The following ATL3 variants were observed in gnomAD, a reference collection of about 807,000 sequenced individuals.
The protein encoded by ATL3 is atlastin GTPase 3.
In ATL3, 49 loss-of-function variants were observed where a neutral mutation model predicts 69.5. The observed-to-expected ratio is 0.71, with a 90% CI of 0.56 to 0.89. The LOEUF is 0.89. ATL3 is among the 40% of genes least tolerant of loss of function. ATL3 has a pLI of 0.00. For synonymous variants in ATL3, 214 were observed against 224.1 expected (o/e 0.95, Z 0.40); for missense variants, 606 against 645.7 (o/e 0.94, Z 0.67).
intron 1 of ATL3, 113 bp from the exon 2 acceptor site, chr11:63,659,365 G>T: frequency 1.2e-6 from 1 of 819,568 alleles, no homozygotes; most frequent in Non-Finnish European, 1.9e-6. Flanking sequence ...AATGGCTCAT[G>T]CCTATAATCA....
chr11:63,649,535 C>A (rs1048645212), intron 5 of ATL3, among the ~76,000 whole-genome samples: 2 of 143,188 alleles, frequency 1.4e-5, no homozygotes, highest in Admixed American at 7.0e-5. Flanking sequence ...ATTTTATTTT[C>A]TTTTTTTTTT....
chr11:63,632,957 T>G, intron 11 of ATL3, 69 bp downstream of exon 11: 3 of 1,404,188 alleles, frequency 2.1e-6, no homozygotes, highest in Non-Finnish European at 3.0e-6. Flanking sequence ...AGGATCAAGT[T>G]GGGCTTTTGA....
Position 63,651,920 on chromosome 11 carries a change from T to C in ATL3, c.561+16A>G, listed in dbSNP as rs533114101. The C allele has an allele frequency of 8.8e-6, 14 of 1,583,556 alleles. No homozygotes were observed. In the South Asian group the frequency reaches 1.5e-4, roughly 17 times the overall value. On this transcript the variant is annotated intron_variant, in intron 5 of 12. Transcript: ENST00000398868. ...TTAAATAATATGATGTTAAAATTGTTATGAGAAATATATACCTGCAGCTGT... is the reference window on the plus strand; with the variant it reads ...TTAAATAATATGATGTTAAAATTGTCATGAGAAATATATACCTGCAGCTGT...
At chr11:63,656,727 C>T (rs1249780142) in intron 3 of ATL3, among the ~76,000 whole-genome samples, 1 of 144,838 alleles carries the variant, frequency 6.9e-6, no homozygotes, top group East Asian at 2.0e-4. Flanking sequence ...GAGAGACTCC[C>T]TCTCAAAAAA....
At chr11:63,654,799 C>T (rs561891167) in intron 3 of ATL3, among the ~76,000 whole-genome samples, 37 of 149,514 alleles carry the variant, frequency 2.5e-4, no homozygotes, top group Middle Eastern at 6.9e-3. Flanking sequence ...CAGGTTCAAG[C>T]GATTCTCCTG....
chr11:63,652,482 T>G lies in ATL3; in HGVS notation c.499A>C (p.Ser167Arg). 2 of 1,598,612 alleles carry G rather than the reference T, an allele frequency of 1.3e-6. No homozygotes were observed. Among genetic ancestry groups the G allele is most frequent in the Non-Finnish European group, 8.5e-7 (1 of 1,171,004 alleles). ...CAAGTGGTTTTTACCTGAACAGAAC[T>G]AGTCATAGTGCTTAGAGCAAAGATG... Reference protein sequence around the residue: ...ATIFALSTMTSSVQIYNLSQN... With the variant: ...ATIFALSTMTRSVQIYNLSQN... Residue 167 changes from serine to arginine, a missense_variant, in exon 4 of 13, where the codon AGT becomes CGT. By Grantham distance (110) the Ser-to-Arg change is moderately radical. Transcript: ENST00000398868.
At chr11:63,656,041 A>G (rs925477323) in intron 3 of ATL3, among the ~76,000 whole-genome samples, 21 of 151,982 alleles carry the variant, frequency 1.4e-4, no homozygotes, top group Non-Finnish European at 2.2e-4. Context: ...TGGCTAACAC[A>G]GTGAAACCCC....
chr11:63,636,225 T>C lies in ATL3; in HGVS notation c.960A>G (p.Gly320=), dbSNP rs1939510885. 1.2e-6 allele frequency: 2 copies of C among 1,613,952 alleles called. No homozygotes were observed. The highest frequency in any genetic ancestry group is 1.7e-5 in the Admixed American group (1 of 59,990). The change falls in exon 9 of 13, where the codon GGA becomes GGG. Residue 320 remains glycine, a synonymous_variant. Transcript: ENST00000398868. ...TATTTACCTTAAAATACTCCAGTAG[T>C]CCCCGACAGGTGACCTTTGAGCCAT... ...EINGSKVTCR[G]LLEYFKAYIK...
intron 8 of ATL3, among the ~76,000 whole-genome samples, chr11:63,637,458 C>A (rs2134475783): frequency 6.6e-6 from 1 of 152,064 alleles, no homozygotes; most frequent in South Asian, 2.1e-4. Flanking sequence ...AGTACCTGTG[C>A]CTCATTATAT....
At chr11:63,643,600 G>T in intron 7 of ATL3, 105 bp from the exon 8 acceptor site, 1 of 1,010,586 alleles carries the variant, frequency 9.9e-7, no homozygotes, top group Non-Finnish European at 1.4e-6. Flanking sequence ...AACTCTGATG[G>T]ATCATAGTGG....
intron 8 of ATL3, among the ~76,000 whole-genome samples, chr11:63,638,620 G>A (rs1426524097): frequency 2.0e-5 from 3 of 152,000 alleles, no homozygotes; most frequent in African/African-American, 4.8e-5. Context: ...CACAAGAATC[G>A]CTTGAGCCCG....
At position 63,627,875 on chromosome 11, in the gene ATL3, T is replaced by C. The variant is rs1381824011; in HGVS notation, c.*1444A>G. ...CCAGACTAGCCAAAGTAAAATTAAA[T>C]AGATAATTCACTAAATAAAATGGGT... On this transcript the variant is annotated 3_prime_UTR_variant, in exon 13 of 13. Transcript: ENST00000398868. 1 of 152,222 alleles carries C rather than the reference T, an allele frequency of 6.6e-6. No homozygotes were observed. The highest frequency in any genetic ancestry group is 1.5e-5 in the Non-Finnish European group (1 of 68,028). 9.4% of individuals were successfully genotyped at this position (152,222 alleles called of 1,614,324 possible).
intron 5 of ATL3, among the ~76,000 whole-genome samples, chr11:63,648,494 T>C (rs1293605378): frequency 6.6e-6 from 1 of 152,138 alleles, no homozygotes; most frequent in South Asian, 2.1e-4. Flanking sequence ...CTTAAATAGG[T>C]AGTCAAGGAC....
intron 6 of ATL3, 121 bp from the exon 7 acceptor site, chr11:63,644,382 C>CTTTTTT: frequency 2.9e-6 from 1 of 345,016 alleles, no homozygotes; most frequent in Non-Finnish European, 5.1e-6. Context: ...AAGGATTTAC[C>CTTTTTT]TTTTTTTTTT....
rs1939977844 is a variant in ATL3, at chr11:63,648,869, G to T, written c.562-2306C>A. Among the ~76,000 whole-genome samples, 2 of 151,726 alleles carry T rather than the reference G, an allele frequency of 1.3e-5. 1 individual carries two copies. Among genetic ancestry groups the T allele is most frequent in the East Asian group, 3.9e-4 (2 of 5,158 alleles). On this transcript the variant is annotated intron_variant, in intron 5 of 12. Coordinates refer to ENST00000398868, the MANE Select transcript of ATL3 (RefSeq NM_015459.5). Reference sequence around the variant, plus strand: ...ACGGCGGCTCACATCTGTAATCCTGGCACTTTAGGAGGCTGAGGCAGGCAG... The same window carrying T: ...ACGGCGGCTCACATCTGTAATCCTGTCACTTTAGGAGGCTGAGGCAGGCAG...
chr11:63,635,867 C>CGGAT (rs1565270551), intron 9 of ATL3, among the ~76,000 whole-genome samples: 1 of 148,418 alleles, frequency 6.7e-6, no homozygotes, highest in African/African-American at 2.5e-5. Flanking sequence ...AGTGACCATC[C>CGGAT]GCCTTGAGGT....
At chr11:63,671,478 G>T (rs1211195514), upstream of ATL3, 1 of 1,468,290 alleles carries the variant, frequency 6.8e-7, no homozygotes, top group Non-Finnish European at 9.0e-7. Context: ...GGCACGCGGA[G>T]CCGCGACGGA....
chr11:63,661,031 T>G (rs180699975), intron 1 of ATL3, among the ~76,000 whole-genome samples: 2 of 150,524 alleles, frequency 1.3e-5, no homozygotes, highest in Admixed American at 6.6e-5. Context: ...CTGGCCAACA[T>G]GGTAAAGCCC....
intron 12 of ATL3, 100 bp from the exon 13 acceptor site, chr11:63,629,505 C>T (rs2134457952): frequency 1.0e-6 from 1 of 996,906 alleles, no homozygotes; most frequent in African/African-American, 1.6e-5. Flanking sequence ...CCATCATCGG[C>T]ATGTTACAGA....
Sources: gnomAD v4.1 joint callset for allele counts (sites outside exome capture counted in the v4.1 genomes callset) on GRCh38, gnomAD v4.1.1 for gene constraint, MANE v1.5 for transcripts, NCBI Gene and HGNC (gene_info 2026-07-23, HGNC 2026-07-21) for gene names.